The following SGK3 variants were observed in gnomAD, a reference collection of about 807,000 sequenced individuals.
The protein encoded by SGK3 is serum/glucocorticoid regulated kinase family member 3.
Under a neutral mutation model 68.5 loss-of-function variants are expected in SGK3, and 47 were observed. That is an observed-to-expected ratio of 0.69 (90% CI 0.54 to 0.87). The LOEUF (loss-of-function observed/expected upper bound fraction) is 0.87. Among genes scored for constraint, SGK3 ranks in the 40% least tolerant of loss-of-function variants. SGK3 has a pLI of 0.00. For synonymous variants in SGK3, 181 were observed against 189.1 expected (o/e 0.96, Z 0.35); for missense variants, 479 against 575.5 (o/e 0.83, Z 1.72).
chr8:66,764,475 T>C (rs1047956194), intron 1 of SGK3, among the ~76,000 whole-genome samples: 1 of 152,160 alleles, frequency 6.6e-6, no homozygotes, highest in African/African-American at 2.4e-5. Context: ...CTTTTGTTTT[T>C]GTTTTGTTTT....
rs1805979938 is a variant in SGK3 at position 66,756,534 on chromosome 8, C to G, written c.-121-37082C>G. On this transcript the variant is annotated intron_variant, in intron 1 of 16. Coordinates refer to ENST00000521198, the MANE Select transcript of SGK3 (RefSeq NM_001033578.3). Reference sequence around the variant, plus strand: ...TTTTAAGTTATGGGCTTACAAAAGACAAACCAAGAATCTTGAAATTGAGGC... The same window carrying G: ...TTTTAAGTTATGGGCTTACAAAAGAGAAACCAAGAATCTTGAAATTGAGGC... Among the ~76,000 whole-genome samples, 6 of 133,836 alleles carry G rather than the reference C, an allele frequency of 4.5e-5. 1 individual carries two copies. The South Asian group carries it at 1.2e-3, about 27-fold the overall frequency. The allele number at this position is 133,836 out of a possible 152,430, so 87.8% of individuals were successfully genotyped here. A position where few individuals can be genotyped will look rare whatever the true frequency, so the allele number is the denominator to read the frequency against.
chr8:66,776,429 T>C (rs1404755162), intron 1 of SGK3, among the ~76,000 whole-genome samples: 2 of 152,208 alleles, frequency 1.3e-5, no homozygotes, highest in East Asian at 1.9e-4. Flanking sequence ...TGTACTATTA[T>C]TGCAAAACTA....
chr8:66,723,131 A>ATTTTTTTTTTTT (rs1177940065), intron 1 of SGK3, among the ~76,000 whole-genome samples: 4 of 29,494 alleles, frequency 1.4e-4, no homozygotes, highest in African/African-American at 3.6e-4. Flanking sequence ...ATATATATAT[A>ATTTTTTTTTTTT]TTTTTTTTTT....
rs928980097 is a variant in SGK3 at position 66,795,586 on chromosome 8, G to A, written c.96+1754G>A. ...AGTTCACACATAGCAAATGTCAGCAGCAGTTATCTCGTGTCCTTTGATTTT... is the reference window on the plus strand; with the variant it reads ...AGTTCACACATAGCAAATGTCAGCAACAGTTATCTCGTGTCCTTTGATTTT... On this transcript the variant is annotated intron_variant, in intron 2 of 16. Transcript: ENST00000521198. Among the ~76,000 whole-genome samples the A allele has an allele frequency of 6.6e-5, 10 of 152,142 alleles. No individual in the cohort carries two copies. The East Asian group carries it at 1.9e-3, about 29-fold the overall frequency.
intron 1 of SGK3, among the ~76,000 whole-genome samples, chr8:66,736,697 A>G (rs1425510773): frequency 6.7e-6 from 1 of 150,334 alleles, no homozygotes; most frequent in Non-Finnish European, 1.5e-5. Flanking sequence ...TCAGCTCACC[A>G]CAACCTCTGC....
chr8:66,752,276 A>G (rs550610069), intron 1 of SGK3, among the ~76,000 whole-genome samples: 2 of 152,246 alleles, frequency 1.3e-5, no homozygotes, highest in East Asian at 3.9e-4. Flanking sequence ...TATGTGTAGT[A>G]TGGTGACCAA....
intron 1 of SGK3, among the ~76,000 whole-genome samples, chr8:66,732,439 G>C (rs960233984): frequency 9.3e-5 from 14 of 150,358 alleles, no homozygotes; most frequent in African/African-American, 3.2e-4. Context: ...AGTGTGCCAA[G>C]ATTGTGCCAC....
chr8:66,723,117 ATATATATATATATATTTT>A (rs1471205806), intron 1 of SGK3, among the ~76,000 whole-genome samples: 23 of 49,756 alleles, frequency 4.6e-4, no homozygotes, highest in East Asian at 1.1e-3. Context: ...ATATATATAT[ATATATATATATATATTTT>A]TTTTTTTTTT....
chr8:66,723,112 TATATATATATATATATA>T lies in SGK3; in HGVS notation c.-122+10280_-122+10296del, dbSNP rs1347106585. ...GTTCATATATATATATATATATATA[TATATATATATATATATA>T]TATTTTTTTTTTTTTTTTTTTTTGT... On this transcript the variant is annotated intron_variant, in intron 1 of 16. Transcript: ENST00000521198. Among the ~76,000 whole-genome samples, 274 of 50,698 alleles carry T rather than the reference TATATATATATATATATA, an allele frequency of 5.4e-3. 1 individual carries two copies. Among genetic ancestry groups the T allele is most frequent in the Non-Finnish European group, 8.4e-3 (215 of 25,666 alleles). The allele number at this position is 50,698 out of a possible 152,430, so 33.3% of individuals were successfully genotyped here. A position where few individuals can be genotyped will look rare whatever the true frequency, so the allele number is the denominator to read the frequency against.
chr8:66,840,973 G>T (rs764956126), intron 12 of SGK3, 51 bp from the exon 13 acceptor site: 189 of 1,163,280 alleles, frequency 1.6e-4, no homozygotes, highest in Non-Finnish European at 2.0e-4. Context: ...CTGAAAAATT[G>T]TCAATTCATA....
At position 66,840,134 on chromosome 8, in the gene SGK3, C is replaced by T; in HGVS notation, c.854+19C>T. 6.2e-7 allele frequency: 1 copy of T among 1,606,286 alleles called. No individual in the cohort carries two copies. On this transcript the variant is annotated intron_variant, in intron 11 of 16. Transcript: ENST00000521198. ...TATACAGGTACAATTTTAAAATATA[C>T]TTGTAAAAATTGTATATAACAATAT... is the stretch of plus-strand genomic sequence containing the variant.
At position 66,831,531 on chromosome 8, in the gene SGK3, G is replaced by C. The variant is rs554885052; in HGVS notation, c.525+220G>C. Among the ~76,000 whole-genome samples, 196 of 152,192 alleles carry C rather than the reference G, an allele frequency of 1.3e-3. 1 individual carries two copies. The highest frequency in any genetic ancestry group is 2.0e-3 in the Non-Finnish European group (137 of 67,996). On this transcript the variant is annotated intron_variant, in intron 8 of 16. Transcript: ENST00000521198. ...ATTTTTTCACTCTTTTGTAGACAGG[G>C]CCTTGCTCTCTTGCCCAGGCTGGTC...
intron 4 of SGK3, among the ~76,000 whole-genome samples, chr8:66,806,814 G>GAA (rs71249409): frequency 9.5e-5 from 8 of 84,608 alleles, no homozygotes; most frequent in East Asian, 3.7e-4. Context: ...ACTCTGTCTC[G>GAA]AAAAAAAAAA....
At chr8:66,847,864 C>CTTTTTTTT (rs34161130) in intron 15 of SGK3, among the ~76,000 whole-genome samples, 1 of 111,164 alleles carries the variant, frequency 9.0e-6, no homozygotes. Flanking sequence ...CACTAAGTCA[C>CTTTTTTTT]TTTTTTTTTT....
At chr8:66,844,927 C>T (rs1470412816) in intron 14 of SGK3, among the ~76,000 whole-genome samples, 1 of 152,180 alleles carries the variant, frequency 6.6e-6, no homozygotes, top group Non-Finnish European at 1.5e-5. Context: ...CATTGGAAAA[C>T]CACTTTATAC....
chr8:66,749,074 AT>A (rs1196582781), intron 1 of SGK3, among the ~76,000 whole-genome samples: 4 of 152,146 alleles, frequency 2.6e-5, no homozygotes, highest in African/African-American at 7.2e-5. Flanking sequence ...ATCTCTAGAT[AT>A]TCTAAATGAA....
intron 1 of SGK3, among the ~76,000 whole-genome samples, chr8:66,736,515 C>T (rs1003492960): frequency 2.6e-5 from 4 of 151,916 alleles, no homozygotes; most frequent in African/African-American, 9.7e-5. Context: ...TGGAGTACAG[C>T]GTTGCCATCA....
At chr8:66,739,080 C>A in intron 1 of SGK3, among the ~76,000 whole-genome samples, 1 of 152,218 alleles carries the variant, frequency 6.6e-6, no homozygotes, top group East Asian at 1.9e-4. Context: ...GTTCATTTTG[C>A]GTTGCTGTAA....
chr8:66,791,689 C>T (rs1807460984), intron 1 of SGK3, among the ~76,000 whole-genome samples: 1 of 152,222 alleles, frequency 6.6e-6, no homozygotes, highest in African/African-American at 2.4e-5. Context: ...CCCTGAGCCC[C>T]ACGTTCTCAA....
Sources: allele counts gnomAD v4.1 joint callset (sites outside exome capture counted in the v4.1 genomes callset), GRCh38; gene constraint gnomAD v4.1.1; transcripts MANE v1.5; gene names NCBI Gene and HGNC (gene_info 2026-07-23, HGNC 2026-07-21).